The following ROBO2 variants were observed in gnomAD, a reference collection of about 807,000 sequenced individuals.
The protein encoded by ROBO2 is roundabout homolog 2.
A neutral mutation model predicts 160.8 loss-of-function variants in ROBO2; 53 were observed. That is an observed-to-expected ratio of 0.33 (90% CI 0.26 to 0.41). The LOEUF (loss-of-function observed/expected upper bound fraction) is 0.41. Ranked by LOEUF, ROBO2 falls within the 10% of genes least tolerant of loss-of-function variation. ROBO2 has a pLI of 1.00. For missense variants in ROBO2, 1,577 were observed against 1,722.4 expected (o/e 0.92, Z 1.49); for synonymous variants, 664 against 611.7 (o/e 1.09, Z -1.26).
At chr3:77,648,095 G>A (rs1395978476) in exon 26 of ROBO2, 2 of 152,132 alleles carry the variant, frequency 1.3e-5, no homozygotes, top group Non-Finnish European at 2.9e-5. Flanking sequence ...TTCTAATGCA[G>A]TGTGATTTCT....
intron 6 of ROBO2, among the ~76,000 whole-genome samples, chr3:77,534,845 C>G (rs914310927): frequency 6.6e-6 from 1 of 152,166 alleles, no homozygotes; most frequent in African/African-American, 2.4e-5. Flanking sequence ...TCTGCTGCCT[C>G]TAGGTCTAGC....
intron 1 of ROBO2, among the ~76,000 whole-genome samples, chr3:77,045,103 T>C (rs1361023217): frequency 6.6e-6 from 1 of 152,156 alleles, no homozygotes; most frequent in African/African-American, 2.4e-5. Flanking sequence ...CTGAGCCAGC[T>C]GTAGGCTTTT....
chr3:76,961,256 A>AAAAC, intron 2 of ROBO2, among the ~76,000 whole-genome samples: 2 of 151,734 alleles, frequency 1.3e-5, no homozygotes, highest in African/African-American at 4.8e-5. Flanking sequence ...AGAAAAAAAA[A>AAAAC]AAAAAAAAAA....
At chr3:76,967,759 G>A (rs1231777100) in intron 2 of ROBO2, among the ~76,000 whole-genome samples, 1 of 151,926 alleles carries the variant, frequency 6.6e-6, no homozygotes, top group African/African-American at 2.4e-5. Context: ...TGCCCAGGCT[G>A]GTCTTGCACT....
chr3:76,308,130 G>C (rs991123943), intron 2 of ROBO2, among the ~76,000 whole-genome samples: 1 of 152,080 alleles, frequency 6.6e-6, no homozygotes, highest in African/African-American at 2.4e-5. Flanking sequence ...TGTAATCCCA[G>C]CACTTTGGGA....
chr3:76,544,097 T>C (rs775025899), intron 2 of ROBO2, among the ~76,000 whole-genome samples: 5 of 152,072 alleles, frequency 3.3e-5, no homozygotes, highest in Non-Finnish European at 7.4e-5. Context: ...CACCCATCTA[T>C]AGATACAATG....
intron 12 of ROBO2, among the ~76,000 whole-genome samples, chr3:77,565,504 G>A (rs911676979): frequency 6.6e-6 from 1 of 152,016 alleles, no homozygotes; most frequent in African/African-American, 2.4e-5. Context: ...CTATTGTTTC[G>A]GAATTCTGTT....
At chr3:76,297,707 A>T (rs1709146585) in intron 2 of ROBO2, among the ~76,000 whole-genome samples, 1 of 46,382 alleles carries the variant, frequency 2.2e-5, no homozygotes, top group Non-Finnish European at 5.2e-5. Flanking sequence ...TGCTTTCCTT[A>T]AAAAAAAAAA....
intron 2 of ROBO2, among the ~76,000 whole-genome samples, chr3:76,528,671 G>A (rs1577916004): frequency 6.6e-6 from 1 of 152,102 alleles, no homozygotes; most frequent in East Asian, 1.9e-4. Context: ...TCAAGAGACA[G>A]GTTAGGCTGC....
At chr3:77,329,990 C>T (rs577983803) in intron 2 of ROBO2, among the ~76,000 whole-genome samples, 1 of 152,254 alleles carries the variant, frequency 6.6e-6, no homozygotes, top group South Asian at 2.1e-4. Flanking sequence ...ATGAACTTCA[C>T]CATTAGACAG....
At chr3:77,054,892 CAGAG>C (rs1260023881) in intron 1 of ROBO2, among the ~76,000 whole-genome samples, 3 of 151,022 alleles carry the variant, frequency 2.0e-5, no homozygotes, top group Non-Finnish European at 4.4e-5. Context: ...CAGCCAGTGA[CAGAG>C]AGGCGCCTGC....
At chr3:76,658,890 A>G (rs2091696778) in intron 2 of ROBO2, among the ~76,000 whole-genome samples, 1 of 152,250 alleles carries the variant, frequency 6.6e-6, no homozygotes, top group Middle Eastern at 3.4e-3. Context: ...TATTCCATTG[A>G]ATAGCTATTT....
At chr3:76,636,524 A>T (rs1290809239) in intron 2 of ROBO2, among the ~76,000 whole-genome samples, 1 of 152,182 alleles carries the variant, frequency 6.6e-6, no homozygotes, top group Non-Finnish European at 1.5e-5. Flanking sequence ...GAGTAGCATC[A>T]TCATGAGCTG....
chr3:76,169,671 A>G (rs1052595072), intron 2 of ROBO2, among the ~76,000 whole-genome samples: 1 of 152,210 alleles, frequency 6.6e-6, no homozygotes, highest in African/African-American at 2.4e-5. Context: ...ATAATCATTG[A>G]TAATAAATCA....
intron 2 of ROBO2, among the ~76,000 whole-genome samples, chr3:76,960,059 A>C (rs2079539471): frequency 6.6e-6 from 1 of 152,064 alleles, no homozygotes; most frequent in Non-Finnish European, 1.5e-5. Context: ...GAGATTTGAT[A>C]TATTTTCTGA....
At chr3:77,293,775 A>G (rs1466493071) in intron 2 of ROBO2, among the ~76,000 whole-genome samples, 4 of 142,596 alleles carry the variant, frequency 2.8e-5, no homozygotes, top group Admixed American at 7.3e-5. Context: ...ATAAAGTAAA[A>G]TTGATGGTTA....
intron 2 of ROBO2, among the ~76,000 whole-genome samples, chr3:76,895,423 A>G (rs2074691949): frequency 6.6e-6 from 1 of 152,034 alleles, no homozygotes; most frequent in African/African-American, 2.4e-5. Flanking sequence ...AATAAGTATT[A>G]TATTTATAAT....
chr3:77,373,277 T>C (rs539892739), intron 2 of ROBO2, among the ~76,000 whole-genome samples: 12 of 151,058 alleles, frequency 7.9e-5, no homozygotes, highest in Admixed American at 2.6e-4. Context: ...CCAGAGATTA[T>C]CAAGCCATAT....
chr3:76,119,883 T>TTCCCTTCCC (rs1384398835), intron 2 of ROBO2, among the ~76,000 whole-genome samples: 6 of 130,966 alleles, frequency 4.6e-5, no homozygotes, highest in African/African-American at 1.6e-4. Context: ...CTTCCCTTCC[T>TTCCCTTCCC]TCCCTTCCCT....
Sources: allele counts gnomAD v4.1 joint callset (sites outside exome capture counted in the v4.1 genomes callset), GRCh38; gene constraint gnomAD v4.1.1; transcripts MANE v1.5; gene names NCBI Gene and HGNC (gene_info 2026-07-23, HGNC 2026-07-21).